Variants in PLCH1 observed in about 807,000 individuals in gnomAD.
PLCH1 encodes the protein 1-phosphatidylinositol 4,5-bisphosphate phosphodiesterase eta-1.
In PLCH1, 60 loss-of-function variants were observed where a neutral mutation model predicts 126.7. The ratio of observed to expected loss-of-function variants is 0.47; its 90% CI spans 0.38 to 0.59. PLCH1 has a LOEUF of 0.59. Ranked by LOEUF, PLCH1 falls within the 20% of genes least tolerant of loss-of-function variation. PLCH1 has a pLI of 0.00. For missense variants in PLCH1, 1,723 were observed against 2,040.0 expected, an observed-to-expected ratio of 0.84 and a Z score of 2.99; for synonymous variants, 719 against 734.9, an observed-to-expected ratio of 0.98 and a Z score of 0.35.
chr3:155,674,174 G>A (rs115829745), intron 2 of PLCH1, among the ~76,000 whole-genome samples: 2,919 of 152,180 alleles, frequency 0.019, 99 homozygotes, highest in African/African-American at 0.068. Context: ...AGGTCCCTAC[G>A]TCTTCTCAGT....
At chr3:155,583,387 G>A in intron 6 of PLCH1, 85 bp downstream of exon 6, 1 of 1,106,230 alleles carries the variant, frequency 9.0e-7, no homozygotes, top group Non-Finnish European at 1.3e-6. Flanking sequence ...AAAATTCAAA[G>A]TATACCTATA....
chr3:155,523,178 A>G lies in PLCH1; in HGVS notation c.1470+719T>C, dbSNP rs556410242. On this transcript the variant is annotated intron_variant, in intron 11 of 22. Coordinates refer to ENST00000460012, the MANE Select transcript of PLCH1 (RefSeq NM_014996.4). ...TTTTTAGTAGAGACGGGGTTTCACC[A>G]TGTTAGCCAGGATGGTCTCGATCTC... 3.0e-3 allele frequency among the ~76,000 whole-genome samples: 461 copies of G among 151,950 alleles called. 5 individuals carry two copies. Among genetic ancestry groups the G allele is most frequent in the African/African-American group, 0.01 (416 of 41,392 alleles).
At chr3:155,704,804 T>C (rs1416762311) in intron 1 of PLCH1, among the ~76,000 whole-genome samples, 2 of 152,204 alleles carry the variant, frequency 1.3e-5, no homozygotes, top group Non-Finnish European at 2.9e-5. Flanking sequence ...TGCTAGGGCC[T>C]GGATCTGCCC....
chr3:155,740,402 G>C (rs1158867936), intron 1 of PLCH1, among the ~76,000 whole-genome samples: 2 of 113,516 alleles, frequency 1.8e-5, no homozygotes. Context: ...GAGAGACTCT[G>C]TCTCAAAAAA....
intron 21 of PLCH1, chr3:155,456,579 T>C (rs982943207): frequency 2.0e-5 from 3 of 152,350 alleles, no homozygotes; most frequent in Non-Finnish European, 2.9e-5. Context: ...CTCCAGACTG[T>C]CAACTAGACA....
At chr3:155,577,350 A>C (rs359556) in intron 6 of PLCH1, among the ~76,000 whole-genome samples, 6 of 152,036 alleles carry the variant, frequency 3.9e-5, no homozygotes, top group Non-Finnish European at 7.4e-5. Flanking sequence ...TGATTTTGTA[A>C]AGGTTTCAAG....
At chr3:155,455,184 G>T (rs1712410038) in intron 21 of PLCH1, among the ~76,000 whole-genome samples, 1 of 152,160 alleles carries the variant, frequency 6.6e-6, no homozygotes, top group Non-Finnish European at 1.5e-5. Context: ...GGGAGGAATT[G>T]GAGGAAGGGA....
chr3:155,622,778 C>T (rs1736689580), intron 2 of PLCH1, among the ~76,000 whole-genome samples: 1 of 152,064 alleles, frequency 6.6e-6, no homozygotes, highest in Non-Finnish European at 1.5e-5. Context: ...TCTTATAGAC[C>T]TACAAAGAGA....
At chr3:155,659,594 G>T (rs1741889372) in intron 2 of PLCH1, among the ~76,000 whole-genome samples, 1 of 151,828 alleles carries the variant, frequency 6.6e-6, no homozygotes, top group Non-Finnish European at 1.5e-5. Context: ...CACCTCCCAG[G>T]TTCAAGCGAT....
intron 2 of PLCH1, among the ~76,000 whole-genome samples, chr3:155,660,861 C>A (rs1742052242): frequency 6.6e-6 from 1 of 152,164 alleles, no homozygotes; most frequent in South Asian, 2.1e-4. Flanking sequence ...AGAGTGACTT[C>A]ATAGGTAATT....
chr3:155,635,753 A>G (rs1422113510), intron 2 of PLCH1, among the ~76,000 whole-genome samples: 5 of 152,224 alleles, frequency 3.3e-5, no homozygotes, highest in African/African-American at 1.2e-4. Context: ...ATTCTTAAAC[A>G]TCTAATTAAT....
intron 10 of PLCH1, among the ~76,000 whole-genome samples, chr3:155,541,585 A>G (rs917737343): frequency 2.6e-5 from 4 of 152,176 alleles, no homozygotes; most frequent in Non-Finnish European, 1.5e-5. Context: ...TTATCAATTA[A>G]GTTTGCCATC....
chr3:155,602,132 A>G (rs1328307810), intron 2 of PLCH1, among the ~76,000 whole-genome samples: 1 of 152,196 alleles, frequency 6.6e-6, no homozygotes, highest in Non-Finnish European at 1.5e-5. Flanking sequence ...ATGGAGTACT[A>G]TGTAAGTGTA....
At chr3:155,544,823 T>C (rs530533432) in intron 10 of PLCH1, among the ~76,000 whole-genome samples, 1 of 151,454 alleles carries the variant, frequency 6.6e-6, no homozygotes, top group East Asian at 1.9e-4. Flanking sequence ...GAAATAAAGA[T>C]GTTCTTTGAA....
intron 2 of PLCH1, among the ~76,000 whole-genome samples, chr3:155,690,521 A>G (rs1023802093): frequency 1.3e-5 from 2 of 152,174 alleles, no homozygotes; most frequent in African/African-American, 2.4e-5. Context: ...CCTTGACTAT[A>G]TCTTCATATG....
chr3:155,485,839 C>T, intron 21 of PLCH1, 129 bp from the exon 22 acceptor site: 1 of 631,238 alleles, frequency 1.6e-6, no homozygotes, highest in Non-Finnish European at 2.7e-6. Flanking sequence ...TATATTCAAA[C>T]CAAGAAAGCA....
At chr3:155,654,825 G>T (rs534917364) in intron 2 of PLCH1, among the ~76,000 whole-genome samples, 1 of 152,190 alleles carries the variant, frequency 6.6e-6, no homozygotes, top group African/African-American at 2.4e-5. Flanking sequence ...TCCTACCATT[G>T]CCCCACTTAA....
chr3:155,724,284 CT>C (rs1276414755), intron 1 of PLCH1, among the ~76,000 whole-genome samples: 1 of 152,136 alleles, frequency 6.6e-6, no homozygotes, highest in Admixed American at 6.5e-5. Flanking sequence ...CTAAGTCCAT[CT>C]TTTTGTTGTT....
In PLCH1 at chr3:155,596,211, G is replaced by T. The variant is rs1396155002; in HGVS notation, c.226+21C>A. On this transcript the variant is annotated intron_variant, in intron 3 of 22. Coordinates refer to ENST00000460012, the MANE Select transcript of PLCH1 (RefSeq NM_014996.4). ...GTGTTACTATGTCCAGCCAAGCAAA[G>T]AATTCAAAGATTTGTTTTACTTTTT... 1.9e-6 allele frequency: 3 copies of T among 1,602,004 alleles called. No individual in the cohort carries two copies. In the Admixed American group the frequency reaches 5.0e-5, roughly 27 times the overall value.
Sources: gnomAD v4.1 joint callset for allele counts (sites outside exome capture counted in the v4.1 genomes callset) on GRCh38, gnomAD v4.1.1 for gene constraint, MANE v1.5 for transcripts, NCBI Gene and HGNC (gene_info 2026-07-23, HGNC 2026-07-21) for gene names.